The following CSMD2 variants were observed in gnomAD, a reference collection of about 807,000 sequenced individuals.
The protein encoded by CSMD2 is CUB and Sushi multiple domains 2.
Under a neutral mutation model 398.5 loss-of-function variants are expected in CSMD2, and 130 were observed. That is an observed-to-expected ratio of 0.33 (90% CI 0.28 to 0.38). The LOEUF is 0.38. Ranked by LOEUF, CSMD2 falls within the 10% of genes least tolerant of loss-of-function variation. CSMD2 has a pLI of 1.00. For missense variants in CSMD2, 3,829 were observed against 4,764.9 expected (o/e 0.80, Z 5.78); for synonymous variants, 1,828 against 1,908.5 (o/e 0.96, Z 1.10).
chr1:33,951,610 G>C (rs1222809112), intron 3 of CSMD2, among the ~76,000 whole-genome samples: 2 of 152,076 alleles, frequency 1.3e-5, no homozygotes, highest in African/African-American at 4.8e-5. Context: ...TCCCTGCCAG[G>C]CTCACTTCCT....
chr1:33,712,089 T>C (rs562191644), intron 21 of CSMD2, among the ~76,000 whole-genome samples: 94 of 152,336 alleles, frequency 6.2e-4, no homozygotes, highest in Non-Finnish European at 1.1e-3. Context: ...TGGCTGATTC[T>C]GGCATCTGTG....
chr1:33,798,504 T>G (rs1023785696), intron 10 of CSMD2, among the ~76,000 whole-genome samples: 5 of 151,808 alleles, frequency 3.3e-5, no homozygotes, highest in African/African-American at 1.2e-4. Context: ...CCTGGCGGGA[T>G]GGAGAAGGGT....
intron 29 of CSMD2, among the ~76,000 whole-genome samples, chr1:33,645,257 G>T (rs1238578371): frequency 6.6e-6 from 1 of 151,530 alleles, no homozygotes; most frequent in Non-Finnish European, 1.5e-5. Flanking sequence ...GGCTGATGAG[G>T]CCTGGGTGAA....
chr1:34,138,498 A>T (rs958515234), intron 1 of CSMD2, among the ~76,000 whole-genome samples: 1 of 152,222 alleles, frequency 6.6e-6, no homozygotes, highest in Non-Finnish European at 1.5e-5. Flanking sequence ...GACTGTCAAG[A>T]GACTTCAATT....
intron 10 of CSMD2, among the ~76,000 whole-genome samples, chr1:33,803,493 C>G (rs1473395309): frequency 1.3e-5 from 2 of 152,162 alleles, no homozygotes; most frequent in Non-Finnish European, 2.9e-5. Context: ...CTGGACCAAG[C>G]CAGAAAGCAC....
intron 10 of CSMD2, among the ~76,000 whole-genome samples, chr1:33,809,245 C>G (rs899103748): frequency 6.8e-6 from 1 of 147,852 alleles, no homozygotes; most frequent in African/African-American, 2.5e-5. Flanking sequence ...AATAACAGGC[C>G]AAGCTCACTA....
chr1:33,621,810 A>T (rs1446181186), intron 37 of CSMD2, among the ~76,000 whole-genome samples: 1 of 152,186 alleles, frequency 6.6e-6, no homozygotes, highest in Non-Finnish European at 1.5e-5. Flanking sequence ...TTCAAAAATA[A>T]TCGCATCATA....
intron 5 of CSMD2, among the ~76,000 whole-genome samples, chr1:33,910,035 C>A (rs1246643703): frequency 6.6e-6 from 1 of 152,176 alleles, no homozygotes; most frequent in Non-Finnish European, 1.5e-5. Context: ...AGCCCCTCCT[C>A]CTCTCTACCC....
chr1:33,527,182 T>G lies in CSMD2; in HGVS notation c.10234+14A>C, dbSNP rs1654850081. ...ACACCAGTTTCTTGAGCCAATGATC[T>G]GGACCATACGTACTCAAGGCTTGGG... On this transcript the variant is annotated intron_variant, in intron 65 of 70. Coordinates refer to ENST00000373381, the MANE Select transcript of CSMD2 (RefSeq NM_001281956.2). The G allele has an allele frequency of 2.5e-6, 4 of 1,612,014 alleles. No homozygotes were observed. The highest frequency in any genetic ancestry group is 3.3e-5 in the Admixed American group (2 of 60,002).
chr1:33,898,543 CCT>C (rs1642544238), intron 5 of CSMD2, among the ~76,000 whole-genome samples: 2 of 152,120 alleles, frequency 1.3e-5, no homozygotes, highest in South Asian at 4.1e-4. Flanking sequence ...TATCTCAGCC[CCT>C]GTGCTGATGG....
At chr1:33,847,636 G>A (rs914783497) in intron 5 of CSMD2, among the ~76,000 whole-genome samples, 4 of 152,084 alleles carry the variant, frequency 2.6e-5, no homozygotes, top group African/African-American at 9.7e-5. Context: ...CCTCTGTGAT[G>A]CCACAACATT....
chr1:33,616,255 T>G (rs920654451), intron 39 of CSMD2, among the ~76,000 whole-genome samples: 8 of 152,098 alleles, frequency 5.3e-5, no homozygotes, highest in Admixed American at 3.3e-4. Context: ...GTTTTTTTTT[T>G]GGGACGGAGT....
At chr1:33,750,990 G>C (rs973848534) in intron 13 of CSMD2, among the ~76,000 whole-genome samples, 47 of 151,882 alleles carry the variant, frequency 3.1e-4, no homozygotes, top group Non-Finnish European at 6.2e-4. Context: ...CAAATGGAGA[G>C]AAAATATGTG....
At position 33,572,066 on chromosome 1, in the gene CSMD2, T is replaced by C. The variant is rs370061902; in HGVS notation, c.7763-340A>G. 7.2e-5 allele frequency among the ~76,000 whole-genome samples: 11 copies of C among 152,166 alleles called. No individual in the cohort carries two copies. In the South Asian group the frequency reaches 8.3e-4, roughly 11 times the overall value. ...TGTAAAATTTCTTGATTTTAAAAGA[T>C]TGTGGAGTAATTCAAAATTTGTTAT... On this transcript the variant is annotated intron_variant, in intron 50 of 70. Coordinates refer to ENST00000373381, the MANE Select transcript of CSMD2 (RefSeq NM_001281956.2).
chr1:33,722,486 T>C (rs951560254), intron 19 of CSMD2, among the ~76,000 whole-genome samples: 5 of 152,200 alleles, frequency 3.3e-5, no homozygotes, highest in Non-Finnish European at 7.3e-5. Flanking sequence ...AGGGAAATGG[T>C]ATTTCTCTTT....
intron 6 of CSMD2, among the ~76,000 whole-genome samples, chr1:33,843,071 G>A (rs920697559): frequency 6.6e-6 from 1 of 152,142 alleles, no homozygotes; most frequent in African/African-American, 2.4e-5. Context: ...CTCTTAATCA[G>A]GCCTCAATTA....
chr1:34,163,066 A>G lies in CSMD2; in HGVS notation c.187+1845T>C, dbSNP rs1448087801. ...CCGCTGAGCGGTGCAAGCGCCGGTG[A>G]GTCGGCCTTTTTCTCTCCCCTAGGG... On this transcript the variant is annotated intron_variant, in intron 1 of 70. Transcript: ENST00000373381. This position sits in a 1 kb window ranked among gnomAD's most constrained non-coding sequence, Gnocchi z 5.4. Among the ~76,000 whole-genome samples, 1 of 152,176 alleles carries G rather than the reference A, an allele frequency of 6.6e-6. No homozygotes were observed. Among genetic ancestry groups the G allele is most frequent in the East Asian group, 1.9e-4 (1 of 5,162 alleles).
At chr1:33,721,160 GAA>G (rs1369428504) in intron 19 of CSMD2, among the ~76,000 whole-genome samples, 1 of 152,204 alleles carries the variant, frequency 6.6e-6, no homozygotes, top group African/African-American at 2.4e-5. Context: ...AAGACCAGCT[GAA>G]GTCTCAACTC....
rs3078814 is a variant in CSMD2, at chr1:33,790,801, A to ATATCTATCTATCTATC, written c.1550+1606_1550+1621dup. 1.3e-3 allele frequency among the ~76,000 whole-genome samples: 187 copies of ATATCTATCTATCTATC among 148,564 alleles called. 1 individual carries two copies. Among genetic ancestry groups the ATATCTATCTATCTATC allele is most frequent in the East Asian group, 3.2e-3 (16 of 4,948 alleles). On this transcript the variant is annotated intron_variant, in intron 11 of 70. Transcript: ENST00000373381. ...CAATCAATCGTCTATCATCTCTCTA[A>ATATCTATCTATCTATC]TATCTATCTATCTATCTATCTATCT...
Sources: gnomAD v4.1 joint callset for allele counts (sites outside exome capture counted in the v4.1 genomes callset) on GRCh38, gnomAD v4.1.1 for gene constraint, Gnocchi (gnomAD v3.1) non-coding constraint, MANE v1.5 for transcripts, NCBI Gene and HGNC (gene_info 2026-07-23, HGNC 2026-07-21) for gene names.